ERBB4: variants seen among roughly 807,000 people sequenced by gnomAD.
ERBB4 encodes erb-b2 receptor tyrosine kinase 4, also known as receptor tyrosine-protein kinase erbB-4.
A neutral mutation model predicts 158.0 loss-of-function variants in ERBB4; 42 were observed. The observed-to-expected ratio is 0.27, with a 90% CI of 0.21 to 0.34. The LOEUF (loss-of-function observed/expected upper bound fraction) is 0.34. Among genes scored for constraint, ERBB4 ranks in the 10% least tolerant of loss-of-function variants. The pLI, the probability that ERBB4 is intolerant of heterozygous loss-of-function variation, is 1.00. For missense variants in ERBB4, 1,333 were observed against 1,624.1 expected, an observed-to-expected ratio of 0.82 and a Z score of 3.08; for synonymous variants, 583 against 558.7, an observed-to-expected ratio of 1.04 and a Z score of -0.61.
intron 3 of ERBB4, among the ~76,000 whole-genome samples, chr2:211,942,033 C>T (rs1213084897): frequency 6.6e-6 from 1 of 152,022 alleles, no homozygotes; most frequent in Non-Finnish European, 1.5e-5. Context: ...AGGTGGTAGG[C>T]CAGGTCTTTG....
chr2:212,517,360 A>C (rs995727220), intron 1 of ERBB4, among the ~76,000 whole-genome samples: 2 of 152,100 alleles, frequency 1.3e-5, no homozygotes, highest in African/African-American at 4.8e-5. Context: ...ATATTCAATC[A>C]GTAAAACCTT....
At chr2:212,320,159 G>A (rs2087493033) in intron 1 of ERBB4, among the ~76,000 whole-genome samples, 1 of 148,176 alleles carries the variant, frequency 6.7e-6, no homozygotes, top group Non-Finnish European at 1.5e-5. Context: ...AGTCTGATAT[G>A]TTCTGACTGG....
chr2:211,889,271 AC>A (rs1251942017), intron 3 of ERBB4, among the ~76,000 whole-genome samples: 7 of 143,384 alleles, frequency 4.9e-5, no homozygotes, highest in Non-Finnish European at 7.5e-5. Flanking sequence ...ACTGGGAGGC[AC>A]CCCCCAGCCG....
intron 1 of ERBB4, among the ~76,000 whole-genome samples, chr2:212,512,243 A>G (rs1035129547): frequency 8.5e-5 from 13 of 152,122 alleles, no homozygotes; most frequent in African/African-American, 3.1e-4. Context: ...AAGTTGACTT[A>G]AATCCTGACT....
intron 1 of ERBB4, among the ~76,000 whole-genome samples, chr2:212,522,868 C>T (rs901448509): frequency 5.9e-5 from 9 of 152,046 alleles, no homozygotes; most frequent in Middle Eastern, 3.4e-3. Context: ...AGGCACCAGA[C>T]GTAATGCATA....
intron 1 of ERBB4, among the ~76,000 whole-genome samples, chr2:212,533,199 A>G (rs754723156): frequency 1.2e-4 from 18 of 152,370 alleles, no homozygotes; most frequent in South Asian, 2.1e-4. Context: ...CTCTTTTGAT[A>G]GAGACAGTTT....
chr2:212,029,480 T>C (rs1301594689), intron 2 of ERBB4, among the ~76,000 whole-genome samples: 1 of 152,138 alleles, frequency 6.6e-6, no homozygotes, highest in Non-Finnish European at 1.5e-5. Context: ...GTCTAGATTA[T>C]AAAGGGCTTG....
intron 2 of ERBB4, among the ~76,000 whole-genome samples, chr2:212,070,214 AATGAAAAGAT>A (rs2078072089): frequency 6.6e-6 from 1 of 152,024 alleles, no homozygotes; most frequent in South Asian, 2.1e-4. Context: ...GATCTAAGTA[AATGAAAAGAT>A]ATCTTATTTT....
At chr2:211,567,072 T>C (rs942932952) in intron 19 of ERBB4, among the ~76,000 whole-genome samples, 5 of 152,164 alleles carry the variant, frequency 3.3e-5, no homozygotes, top group South Asian at 2.1e-4. Flanking sequence ...ATCTAATAAT[T>C]ATTTGATCCT....
intron 3 of ERBB4, among the ~76,000 whole-genome samples, chr2:211,829,705 G>A (rs1034431565): frequency 6.6e-6 from 1 of 152,064 alleles, no homozygotes; most frequent in Admixed American, 6.6e-5. Flanking sequence ...TGAACACCTT[G>A]AGTTTCCTTA....
intron 1 of ERBB4, among the ~76,000 whole-genome samples, chr2:212,227,091 C>A (rs1172958568): frequency 6.6e-6 from 1 of 151,772 alleles, no homozygotes; most frequent in African/African-American, 2.4e-5. Flanking sequence ...ACTAAAAATA[C>A]AAAAATTAGC....
intron 20 of ERBB4, among the ~76,000 whole-genome samples, chr2:211,546,087 A>G (rs2066933334): frequency 1.3e-5 from 2 of 152,096 alleles, no homozygotes; most frequent in African/African-American, 2.4e-5. Context: ...GCTCTTTTTA[A>G]TCAATCAAAT....
chr2:211,777,840 C>T (rs1308829339), intron 4 of ERBB4: 1 of 152,170 alleles, frequency 6.6e-6, no homozygotes, highest in African/African-American at 2.4e-5. Flanking sequence ...CCCACCTCTC[C>T]ATTAATACTA....
At chr2:212,386,074 C>T (rs1254081767) in intron 1 of ERBB4, among the ~76,000 whole-genome samples, 1 of 151,806 alleles carries the variant, frequency 6.6e-6, no homozygotes, top group Non-Finnish European at 1.5e-5. Context: ...GTCTTCCAAA[C>T]CTGATCCTTA....
rs139099498 is a variant in ERBB4, at chr2:211,618,944, A to C, written c.2301+233T>G. ...CCTTGGGGACTGTAAATATCTTGAA[A>C]CTCTAAAGGCAAGTTCTAGTGACCT... is the stretch of plus-strand genomic sequence containing the variant. On this transcript the variant is annotated intron_variant, in intron 19 of 27. Coordinates refer to ENST00000342788, the MANE Select transcript of ERBB4 (RefSeq NM_005235.3). 2.0e-5 allele frequency among the ~76,000 whole-genome samples: 3 copies of C among 152,098 alleles called. No individual in the cohort carries two copies. The East Asian group carries it at 5.8e-4, about 29-fold the overall frequency.
intron 1 of ERBB4, among the ~76,000 whole-genome samples, chr2:212,412,960 T>G (rs1053009646): frequency 2.6e-5 from 4 of 151,896 alleles, no homozygotes; most frequent in Non-Finnish European, 5.9e-5. Context: ...TTTTTCTTTT[T>G]GTTTTTTTTG....
chr2:212,271,369 T>G (rs931816862), intron 1 of ERBB4, among the ~76,000 whole-genome samples: 1 of 151,784 alleles, frequency 6.6e-6, no homozygotes, highest in Non-Finnish European at 1.5e-5. Flanking sequence ...AAAGTATTTT[T>G]TCATATGTGG....
rs115143616 is a variant in ERBB4 at position 211,499,694 on chromosome 2, G to C, written c.2487+62209C>G. ...AGATCACCAAAATGTGTAAGTGTAA[G>C]AGGGACTTCACTCATAAGCATCAGA... On this transcript the variant is annotated intron_variant, in intron 20 of 27. Transcript: ENST00000342788. Among the ~76,000 whole-genome samples the C allele has an allele frequency of 6.0e-3, 913 of 152,186 alleles. 14 individuals are homozygous for C. Among genetic ancestry groups the C allele is most frequent in the African/African-American group, 0.021 (871 of 41,530 alleles).
At chr2:212,514,919 C>T (rs1454918230) in intron 1 of ERBB4, among the ~76,000 whole-genome samples, 1 of 152,040 alleles carries the variant, frequency 6.6e-6, no homozygotes, top group Non-Finnish European at 1.5e-5. Flanking sequence ...CATATTATTG[C>T]AAACATTTCA....
Sources: gnomAD v4.1 joint callset for allele counts (sites outside exome capture counted in the v4.1 genomes callset) on GRCh38, gnomAD v4.1.1 for gene constraint, MANE v1.5 for transcripts, NCBI Gene and HGNC (gene_info 2026-07-23, HGNC 2026-07-21) for gene names.